Variants in SEMA6D observed in about 807,000 individuals in gnomAD.
SEMA6D encodes the protein semaphorin-6D.
Under a neutral mutation model 106.6 loss-of-function variants are expected in SEMA6D, and 35 were observed. That is an observed-to-expected ratio of 0.33 (90% CI 0.25 to 0.44). SEMA6D has a LOEUF of 0.44. SEMA6D is among the 20% of genes least tolerant of loss of function. SEMA6D has a pLI of 1.00. For synonymous variants in SEMA6D, 499 were observed against 487.7 expected, an observed-to-expected ratio of 1.02 and a Z score of -0.31; for missense variants, 1,185 against 1,345.9, an observed-to-expected ratio of 0.88 and a Z score of 1.87.
intron 1 of SEMA6D, among the ~76,000 whole-genome samples, chr15:47,372,036 C>T (rs995804475): frequency 2.6e-5 from 4 of 152,188 alleles, no homozygotes; most frequent in African/African-American, 9.7e-5. Context: ...CAGGCACTGC[C>T]AACCACTACA....
At chr15:47,457,938 G>A (rs572842374) in intron 2 of SEMA6D, among the ~76,000 whole-genome samples, 2 of 151,862 alleles carry the variant, frequency 1.3e-5, no homozygotes, top group Non-Finnish European at 2.9e-5. Context: ...GACAAAAAGA[G>A]AACATAAAAA....
intron 1 of SEMA6D, among the ~76,000 whole-genome samples, chr15:47,287,508 G>T (rs1823576513): frequency 6.6e-6 from 1 of 152,122 alleles, no homozygotes; most frequent in Non-Finnish European, 1.5e-5. Flanking sequence ...TGTCTCCATT[G>T]TTCTAGGTAG....
intron 3 of SEMA6D, among the ~76,000 whole-genome samples, chr15:47,504,169 G>C (rs16952896): frequency 6.6e-6 from 1 of 152,026 alleles, no homozygotes; most frequent in Non-Finnish European, 1.5e-5. Flanking sequence ...TCACCAAAGG[G>C]TTTGAAATAG....
intron 1 of SEMA6D, among the ~76,000 whole-genome samples, chr15:47,250,269 C>T (rs935844104): frequency 6.6e-6 from 1 of 151,654 alleles, no homozygotes; most frequent in Non-Finnish European, 1.5e-5. Flanking sequence ...GAACAAGACA[C>T]GACATACTGT....
At chr15:47,496,825 C>T (rs2043679639) in intron 3 of SEMA6D, among the ~76,000 whole-genome samples, 1 of 151,986 alleles carries the variant, frequency 6.6e-6, no homozygotes, top group Non-Finnish European at 1.5e-5. Context: ...TCTAGCTGAT[C>T]TCCAGTTCCA....
chr15:47,205,549 C>T (rs2141133363), intron 1 of SEMA6D, among the ~76,000 whole-genome samples: 1 of 152,104 alleles, frequency 6.6e-6, no homozygotes, highest in South Asian at 2.1e-4. Flanking sequence ...TTCTGAAATG[C>T]ATAAAATATT....
Position 47,345,515 on chromosome 15 carries a change from A to T in SEMA6D, c.-238-66878A>T, listed in dbSNP as rs548640217. Among the ~76,000 whole-genome samples the T allele has an allele frequency of 1.9e-3, 296 of 152,278 alleles. 1 individual carries two copies. The highest frequency in any genetic ancestry group is 6.4e-3 in the African/African-American group (268 of 41,570). On this transcript the variant is annotated intron_variant, in intron 1 of 19. Coordinates refer to the SEMA6D transcript ENST00000558014. ...AATGCCTAGCCACATGCAAAAAAAA[A>T]TTTTGATTTATACCTCATAGCATAC...
At chr15:47,392,468 C>T (rs888837133) in intron 1 of SEMA6D, among the ~76,000 whole-genome samples, 6 of 151,730 alleles carry the variant, frequency 4.0e-5, no homozygotes, top group African/African-American at 1.5e-4. Context: ...GGGTCAGAGG[C>T]AGGGACAGAT....
At chr15:47,480,303 A>G (rs1329790598) in intron 3 of SEMA6D, among the ~76,000 whole-genome samples, 2 of 152,016 alleles carry the variant, frequency 1.3e-5, no homozygotes, top group African/African-American at 4.8e-5. Context: ...GGTATCTCCT[A>G]TCTAATGGGT....
chr15:47,521,126 G>A (rs1008802205), intron 3 of SEMA6D, among the ~76,000 whole-genome samples: 1 of 152,138 alleles, frequency 6.6e-6, no homozygotes, highest in Non-Finnish European at 1.5e-5. Flanking sequence ...GCTCCATCTT[G>A]AGGAGACGTG....
chr15:47,726,494 C>T (rs2079760682), intron 1 of SEMA6D, among the ~76,000 whole-genome samples: 1 of 152,194 alleles, frequency 6.6e-6, no homozygotes, highest in African/African-American at 2.4e-5. Flanking sequence ...ACTAGTGGAA[C>T]CAGGGTACCT....
intron 2 of SEMA6D, among the ~76,000 whole-genome samples, chr15:47,416,009 G>A (rs779722166): frequency 2.0e-5 from 3 of 152,166 alleles, no homozygotes; most frequent in Non-Finnish European, 4.4e-5. Context: ...GAGTGCTAGA[G>A]AAGAACGTTA....
chr15:47,712,995 T>C (rs1041501796), upstream of SEMA6D, among the ~76,000 whole-genome samples: 3 of 152,216 alleles, frequency 2.0e-5, no homozygotes, highest in Admixed American at 1.3e-4. Flanking sequence ...AAAATGATAG[T>C]CTTCATATCT....
intron 1 of SEMA6D, among the ~76,000 whole-genome samples, chr15:47,751,995 A>G (rs1164678327): frequency 2.0e-5 from 3 of 152,176 alleles, no homozygotes; most frequent in Non-Finnish European, 2.9e-5. Flanking sequence ...GGCTGAAAAC[A>G]GAGACAGAGT....
intron 1 of SEMA6D, among the ~76,000 whole-genome samples, chr15:47,338,006 G>A (rs2037641422): frequency 6.6e-6 from 1 of 152,168 alleles, no homozygotes; most frequent in Admixed American, 6.5e-5. Flanking sequence ...AAGAGTGAAT[G>A]CAGCTATATT....
chr15:47,572,169 T>G (rs74013815), intron 3 of SEMA6D, among the ~76,000 whole-genome samples: 1 of 152,202 alleles, frequency 6.6e-6, no homozygotes, highest in African/African-American at 2.4e-5. Flanking sequence ...TTAGATGTCA[T>G]CCCTAGGGAA....
intron 4 of SEMA6D, among the ~76,000 whole-genome samples, chr15:47,636,620 C>G (rs2077393627): frequency 6.6e-6 from 1 of 152,272 alleles, no homozygotes; most frequent in Admixed American, 6.5e-5. Context: ...CTATCATTTC[C>G]TCTTAAGATT....
At chr15:47,607,374 T>A (rs74447815) in intron 4 of SEMA6D, among the ~76,000 whole-genome samples, 1 of 151,978 alleles carries the variant, frequency 6.6e-6, no homozygotes. Flanking sequence ...CAAATGGAGG[T>A]TCATCAAGAT....
chr15:47,462,144 G>A (rs2042533202), intron 2 of SEMA6D, among the ~76,000 whole-genome samples: 1 of 151,988 alleles, frequency 6.6e-6, no homozygotes, highest in South Asian at 2.1e-4. Flanking sequence ...CTGACATCCT[G>A]TAGCAATTAT....
Sources: gnomAD v4.1 joint callset for allele counts (sites outside exome capture counted in the v4.1 genomes callset) on GRCh38, gnomAD v4.1.1 for gene constraint, MANE v1.5 for transcripts, NCBI Gene and HGNC (gene_info 2026-07-23, HGNC 2026-07-21) for gene names.